MTA3: variants seen among roughly 807,000 people sequenced by gnomAD.
The protein encoded by MTA3 is metastasis-associated protein MTA3.
Under a neutral mutation model 83.5 loss-of-function variants are expected in MTA3, and 34 were observed. That is an observed-to-expected ratio of 0.41 (90% CI 0.31 to 0.54). MTA3 has a LOEUF of 0.54. Ranked by LOEUF, MTA3 falls within the 20% of genes least tolerant of loss-of-function variation. The pLI, the probability that MTA3 is intolerant of heterozygous loss-of-function variation, is 0.33. For missense variants in MTA3, 761 were observed against 726.4 expected (o/e 1.05, Z -0.55); for synonymous variants, 303 against 252.7 (o/e 1.20, Z -1.89).
At chr2:42,735,823 G>A (rs1668568022) in intron 16 of MTA3, among the ~76,000 whole-genome samples, 1 of 152,008 alleles carries the variant, frequency 6.6e-6, no homozygotes, top group South Asian at 2.1e-4. Context: ...AATTATTTCA[G>A]CATCTTTCTT....
intron 2 of MTA3, among the ~76,000 whole-genome samples, chr2:42,552,401 T>C (rs184439290): frequency 2.0e-5 from 3 of 152,272 alleles, no homozygotes; most frequent in East Asian, 1.9e-4. Context: ...GAGCAGACTA[T>C]GAAGATGCTT....
chr2:42,713,393 A>G (rs1170986494), intron 14 of MTA3, among the ~76,000 whole-genome samples: 3 of 152,220 alleles, frequency 2.0e-5, no homozygotes, highest in African/African-American at 7.2e-5. Flanking sequence ...AGCTTGAATC[A>G]TGAGAGAATA....
At chr2:42,602,040 C>T (rs1020215512) in intron 3 of MTA3, among the ~76,000 whole-genome samples, 1 of 152,216 alleles carries the variant, frequency 6.6e-6, no homozygotes, top group Non-Finnish European at 1.5e-5. Context: ...GGGGTCTTGC[C>T]ATGTTGGCCA....
chr2:42,655,753 C>G (rs531761416), intron 6 of MTA3, among the ~76,000 whole-genome samples: 1 of 152,292 alleles, frequency 6.6e-6, no homozygotes, highest in East Asian at 1.9e-4. Flanking sequence ...CAGGCGCCTG[C>G]TACCACACCC....
chr2:42,550,181 G>T (rs1284210379), intron 2 of MTA3, among the ~76,000 whole-genome samples: 1 of 152,168 alleles, frequency 6.6e-6, no homozygotes, highest in Non-Finnish European at 1.5e-5. Flanking sequence ...TTATAGCTAT[G>T]AAATTGTTAA....
intron 14 of MTA3, among the ~76,000 whole-genome samples, chr2:42,711,631 G>A (rs1211527434): frequency 6.6e-6 from 1 of 152,030 alleles, no homozygotes; most frequent in African/African-American, 2.4e-5. Flanking sequence ...AATTGATTAT[G>A]CTATCATCTC....
intron 2 of MTA3, among the ~76,000 whole-genome samples, chr2:42,570,898 A>C (rs1427706360): frequency 6.6e-6 from 1 of 151,994 alleles, no homozygotes; most frequent in Non-Finnish European, 1.5e-5. Context: ...CTGTAATCCC[A>C]GCTACTCGAG....
chr2:42,647,684 A>G (rs1389717152), intron 6 of MTA3, among the ~76,000 whole-genome samples: 3 of 152,212 alleles, frequency 2.0e-5, no homozygotes, highest in Non-Finnish European at 4.4e-5. Flanking sequence ...TCTAACAAAA[A>G]CAACAGATTT....
At chr2:42,748,541 A>G (rs183828707) in intron 16 of MTA3, among the ~76,000 whole-genome samples, 223 of 152,186 alleles carry the variant, frequency 1.5e-3, no homozygotes, top group Non-Finnish European at 2.7e-3. Context: ...CAGTTTTCAG[A>G]TTTCCAATTA....
At position 42,753,505 on chromosome 2, in the gene MTA3, G is replaced by A. The variant is rs559729172; in HGVS notation, c.*106G>A. 1.5e-4 allele frequency: 231 copies of A among 1,536,314 alleles called. No individual in the cohort carries two copies. Among genetic ancestry groups the A allele is most frequent in the Non-Finnish European group, 2.0e-4 (224 of 1,139,364 alleles). On this transcript the variant is annotated 3_prime_UTR_variant, in exon 17 of 17. Transcript: ENST00000405094. ...GCCCCACTCCCAGTACATTTCAGTGGGAGACCTCTGCGTGCATCCATGGAG... is the reference window on the plus strand; with the variant it reads ...GCCCCACTCCCAGTACATTTCAGTGAGAGACCTCTGCGTGCATCCATGGAG...
intron 6 of MTA3, among the ~76,000 whole-genome samples, chr2:42,654,069 A>G (rs1688946006): frequency 2.0e-5 from 3 of 152,250 alleles, no homozygotes; most frequent in Non-Finnish European, 4.4e-5. Context: ...AATTGTAAAC[A>G]AAACAAAGAA....
chr2:42,644,752 G>T (rs548872641), intron 6 of MTA3, among the ~76,000 whole-genome samples: 11 of 152,220 alleles, frequency 7.2e-5, no homozygotes, highest in Admixed American at 2.0e-4. Flanking sequence ...TCTGTGATCA[G>T]TGATCTTAGA....
At chr2:42,679,529 G>A (rs1206394628) in intron 8 of MTA3, among the ~76,000 whole-genome samples, 2 of 152,176 alleles carry the variant, frequency 1.3e-5, no homozygotes, top group Admixed American at 1.3e-4. Flanking sequence ...CTTCTGACTG[G>A]CACACACAGT....
intron 16 of MTA3, among the ~76,000 whole-genome samples, chr2:42,724,386 A>T (rs1389143400): frequency 6.7e-6 from 1 of 148,230 alleles, no homozygotes; most frequent in Non-Finnish European, 1.5e-5. Context: ...CCAGTGGCTT[A>T]TGCTTGTAAT....
At position 42,611,005 on chromosome 2, in the gene MTA3, G is replaced by A. The variant is rs188450513; in HGVS notation, c.317+1421G>A. ...TTCTTTTTTTTTTTTTTTTTGAGAC[G>A]GAGTCTTGCTCTGTCACCCAGGCTG... On this transcript the variant is annotated intron_variant, in intron 4 of 16. Transcript: ENST00000405094. 7.0e-4 allele frequency among the ~76,000 whole-genome samples: 97 copies of A among 138,266 alleles called. 1 individual carries two copies. The East Asian group carries it at 0.011, about 16-fold the overall frequency. The allele number at this position is 138,266 out of a possible 152,430, so 90.7% of individuals were successfully genotyped here. A position where few individuals can be genotyped will look rare whatever the true frequency, so the allele number is the denominator to read the frequency against.
intron 14 of MTA3, among the ~76,000 whole-genome samples, chr2:42,718,034 G>A (rs1054944991): frequency 3.3e-5 from 5 of 150,704 alleles, no homozygotes; most frequent in Admixed American, 6.6e-5. Flanking sequence ...TGTGTTGGAT[G>A]TGTATTAGCT....
At chr2:42,714,334 G>C (rs1666869283) in intron 14 of MTA3, among the ~76,000 whole-genome samples, 1 of 151,438 alleles carries the variant, frequency 6.6e-6, no homozygotes, top group African/African-American at 2.4e-5. Context: ...TTGACTTTAT[G>C]GTGTATTTGC....
intron 4 of MTA3, among the ~76,000 whole-genome samples, chr2:42,612,223 A>G (rs1346049710): frequency 6.6e-6 from 1 of 152,144 alleles, no homozygotes; most frequent in East Asian, 1.9e-4. Flanking sequence ...TGCACTTTTT[A>G]TCGATTGACT....
intron 2 of MTA3, among the ~76,000 whole-genome samples, chr2:42,501,861 C>G (rs1301404586): frequency 1.3e-5 from 2 of 152,070 alleles, no homozygotes; most frequent in Non-Finnish European, 2.9e-5. Context: ...GCTTGTAATC[C>G]CAGCTGCTGG....
Sources: gnomAD v4.1 joint callset for allele counts (sites outside exome capture counted in the v4.1 genomes callset) on GRCh38, gnomAD v4.1.1 for gene constraint, MANE v1.5 for transcripts, NCBI Gene and HGNC (gene_info 2026-07-23, HGNC 2026-07-21) for gene names.